Variants in TERF1 observed in about 807,000 individuals in gnomAD.
TERF1 encodes the protein telomeric repeat-binding factor 1.
A neutral mutation model predicts 55.1 loss-of-function variants in TERF1; 20 were observed. That is an observed-to-expected ratio of 0.36 (90% confidence interval 0.26 to 0.53). TERF1 has a LOEUF of 0.53. Ranked by LOEUF, TERF1 falls within the 20% of genes least tolerant of loss-of-function variation. The pLI is 0.91. For synonymous variants in TERF1, 168 were observed against 181.2 expected (o/e 0.93, Z 0.59); for missense variants, 439 against 535.7 (o/e 0.82, Z 1.78).
At chr8:73,037,992 G>T (rs76031168) in intron 8 of TERF1, among the ~76,000 whole-genome samples, 1 of 141,438 alleles carries the variant, frequency 7.1e-6, no homozygotes, top group Admixed American at 7.7e-5. Flanking sequence ...TCCAAGGTTG[G>T]TTGAATCCAC....
intron 8 of TERF1, among the ~76,000 whole-genome samples, chr8:73,033,691 G>A (rs571049129): frequency 6.6e-6 from 1 of 152,144 alleles, no homozygotes; most frequent in South Asian, 2.1e-4. Context: ...CAGCCTGTGT[G>A]ACAGAGCGAG....
At chr8:73,021,467 C>G (rs949470342) in intron 3 of TERF1, among the ~76,000 whole-genome samples, 1 of 152,146 alleles carries the variant, frequency 6.6e-6, no homozygotes, top group African/African-American at 2.4e-5. Flanking sequence ...CTAGAGAAAG[C>G]AAGTCTTTCT....
chr8:73,026,931 T>G lies in TERF1; in HGVS notation c.775-9T>G. On this transcript the variant is annotated splice_polypyrimidine_tract_variant and intron_variant, in intron 5 of 9. Coordinates refer to ENST00000276603, the MANE Select transcript of TERF1 (RefSeq NM_017489.3). The stretch of plus-strand genomic sequence containing the variant: ...TCCTATCCTTCTACCTCCACGCACG[T>G]TTTTTAAGGCAGCGGCAAAAGTAGT... The G allele has an allele frequency of 6.2e-7, 1 of 1,608,866 alleles. No homozygotes were observed.
chr8:73,034,494 A>T (rs78142211), intron 8 of TERF1, among the ~76,000 whole-genome samples: 1 of 152,050 alleles, frequency 6.6e-6, no homozygotes, highest in Non-Finnish European at 1.5e-5. Flanking sequence ...CTAACTCCCA[A>T]ACTCAAGCAA....
At chr8:73,013,726 C>T in intron 1 of TERF1, 169 bp from the exon 2 acceptor site, 1 of 572,906 alleles carries the variant, frequency 1.7e-6, no homozygotes, top group Non-Finnish European at 3.1e-6. Flanking sequence ...GAAATGTCTT[C>T]ATTGCTATTC....
intron 9 of TERF1, among the ~76,000 whole-genome samples, 199 bp downstream of exon 9, chr8:73,039,418 T>A (rs1429524311): frequency 6.6e-6 from 1 of 152,182 alleles, no homozygotes; most frequent in Non-Finnish European, 1.5e-5. Flanking sequence ...TTAAAAAGTC[T>A]TAAGTTGGGT....
intron 2 of TERF1, among the ~76,000 whole-genome samples, chr8:73,019,517 C>T (rs1808661814): frequency 6.6e-6 from 1 of 152,146 alleles, no homozygotes; most frequent in Non-Finnish European, 1.5e-5. Flanking sequence ...GAGTATGCAT[C>T]CAACTTGCCC....
chr8:73,014,733 T>C (rs939543105), intron 2 of TERF1, among the ~76,000 whole-genome samples: 4 of 152,196 alleles, frequency 2.6e-5, no homozygotes, highest in African/African-American at 4.8e-5. Flanking sequence ...CTTATTGAAG[T>C]GTTGTCTTAC....
Position 73,037,744 on chromosome 8 carries a change from T to A in TERF1, c.1040-1372T>A, listed in dbSNP as rs1360131445. Among the ~76,000 whole-genome samples, 736 of 87,134 alleles carry A rather than the reference T, an allele frequency of 8.4e-3. 25 individuals carry two copies. Among genetic ancestry groups the A allele is most frequent in the African/African-American group, 0.034 (697 of 20,524 alleles). 57.2% of individuals were successfully genotyped at this position (87,134 alleles called of 152,430 possible). ...TATATATTATATAGTATGAAATATA[T>A]ATTATATATAATATTATATAGTATA... On this transcript the variant is annotated intron_variant, in intron 8 of 9. Coordinates refer to ENST00000276603, the MANE Select transcript of TERF1 (RefSeq NM_017489.3).
At chr8:73,014,526 C>T (rs1324183304) in intron 2 of TERF1, among the ~76,000 whole-genome samples, 1 of 152,172 alleles carries the variant, frequency 6.6e-6, no homozygotes, top group Non-Finnish European at 1.5e-5. Context: ...ATCTCTCTCC[C>T]TTGTCTCTGT....
chr8:73,016,193 A>T (rs1331228682), intron 2 of TERF1, among the ~76,000 whole-genome samples: 1 of 152,166 alleles, frequency 6.6e-6, no homozygotes, highest in Non-Finnish European at 1.5e-5. Context: ...CTTTATACTT[A>T]AGGTGCATCT....
chr8:73,033,641 C>T (rs930546666), intron 8 of TERF1, among the ~76,000 whole-genome samples: 3 of 151,968 alleles, frequency 2.0e-5, no homozygotes, highest in African/African-American at 4.8e-5. Flanking sequence ...GGCTGAGGCA[C>T]GAGAATCCAG....
At chr8:73,033,706 T>C (rs1809395546) in intron 8 of TERF1, among the ~76,000 whole-genome samples, 2 of 152,088 alleles carry the variant, frequency 1.3e-5, no homozygotes, top group African/African-American at 4.8e-5. Context: ...AGCGAGACTG[T>C]CTCAAAAAAG....
In TERF1 at chr8:73,009,224, C is replaced by G; in HGVS notation, c.319+19C>G. 1 of 1,595,040 alleles carries G rather than the reference C, an allele frequency of 6.3e-7. No homozygotes were observed. ...GCAGAGGGTGAGTGCAGACCGCGTC[C>G]GGGCCGGGACTACGCGGGGGGCGGA... is the stretch of plus-strand genomic sequence containing the variant. On this transcript the variant is annotated intron_variant, in intron 1 of 9. Transcript: ENST00000276603.
At chr8:73,009,526 G>A (rs1808190947) in intron 1 of TERF1, 2 of 298,742 alleles carry the variant, frequency 6.7e-6, no homozygotes. Flanking sequence ...TTTCTACTCA[G>A]GTATTCCTGT....
chr8:73,018,933 AAG>A (rs1419941272), intron 2 of TERF1: 1 of 152,152 alleles, frequency 6.6e-6, no homozygotes, highest in Non-Finnish European at 1.5e-5. Context: ...ATAATGATAC[AAG>A]AGTTTCTTTT....
Position 73,030,481 on chromosome 8 carries a change from A to C in TERF1, c.947+86A>C, listed in dbSNP as rs34940416. On this transcript the variant is annotated intron_variant, in intron 7 of 9. Coordinates refer to ENST00000276603, the MANE Select transcript of TERF1 (RefSeq NM_017489.3). ...CAGACCTAATAAAAACTACCACATA[A>C]ATGGTACAATTGAAAGAATATCTCA... 2.1e-3 allele frequency: 1,633 copies of C among 796,326 alleles called. 12 individuals are homozygous for C. The African/African-American group carries it at 0.024, about 12-fold the overall frequency. 49.3% of individuals were successfully genotyped at this position (796,326 alleles called of 1,614,324 possible).
intron 7 of TERF1, 69 bp downstream of exon 7, chr8:73,030,464 A>T: frequency 9.9e-7 from 1 of 1,006,712 alleles, no homozygotes; most frequent in Non-Finnish European, 1.4e-6. Context: ...TGCAGACCTA[A>T]TAAAAACTAC....
chr8:73,023,808 T>A (rs1808870090), intron 4 of TERF1, among the ~76,000 whole-genome samples: 2 of 152,208 alleles, frequency 1.3e-5, no homozygotes, highest in South Asian at 2.1e-4. Flanking sequence ...TCAACAGTTG[T>A]CTCAACAAAT....
Sources: allele counts gnomAD v4.1 joint callset (sites outside exome capture counted in the v4.1 genomes callset), GRCh38; gene constraint gnomAD v4.1.1; transcripts MANE v1.5; gene names NCBI Gene and HGNC (gene_info 2026-07-23, HGNC 2026-07-21).